The following EFCAB6 variants were observed in gnomAD, a reference collection of about 807,000 sequenced individuals.
EFCAB6 encodes EF-hand calcium binding domain 6.
In EFCAB6, 156 loss-of-function variants were observed where a neutral mutation model predicts 169.8. The ratio of observed to expected loss-of-function variants is 0.92; its 90% CI spans 0.81 to 1.05. The LOEUF (loss-of-function observed/expected upper bound fraction) is 1.05. EFCAB6 is among the 50% of genes least tolerant of loss of function. The pLI is 0.00. For missense variants in EFCAB6, 1,800 were observed against 1,829.1 expected, an observed-to-expected ratio of 0.98 and a Z score of 0.29; for synonymous variants, 698 against 676.4, an observed-to-expected ratio of 1.03 and a Z score of -0.50.
intron 20 of EFCAB6, among the ~76,000 whole-genome samples, chr22:43,620,285 G>A (rs1407307762): frequency 2.0e-5 from 3 of 151,942 alleles, no homozygotes; most frequent in African/African-American, 7.3e-5. Flanking sequence ...CTCCAGTCTG[G>A]GTGACAGAGT....
At chr22:43,691,800 A>C (rs1429559312) in intron 10 of EFCAB6, among the ~76,000 whole-genome samples, 1 of 152,200 alleles carries the variant, frequency 6.6e-6, no homozygotes, top group African/African-American at 2.4e-5. Flanking sequence ...CCTCCTCCAG[A>C]TAATCACGAT....
chr22:43,565,711 AC>A (rs1342835324), intron 26 of EFCAB6, among the ~76,000 whole-genome samples: 1 of 152,148 alleles, frequency 6.6e-6, no homozygotes, highest in Non-Finnish European at 1.5e-5. Context: ...TGTTCTGAAT[AC>A]TTACAGAGAC....
chr22:43,633,480 T>C (rs86605), intron 18 of EFCAB6, among the ~76,000 whole-genome samples: 70,888 of 152,062 alleles, frequency 0.47, 18,233 homozygotes, highest in African/African-American at 0.71. Flanking sequence ...CCCAGGAGGC[T>C]GAGGTTGCAG....
intron 30 of EFCAB6, among the ~76,000 whole-genome samples, chr22:43,532,363 G>A (rs150666005): frequency 2.7e-4 from 41 of 152,204 alleles, no homozygotes; most frequent in African/African-American, 9.7e-4. Flanking sequence ...GTGCTCTTCC[G>A]CAGAAGCCCG....
At chr22:43,589,263 A>G (rs2051290612) in intron 24 of EFCAB6, among the ~76,000 whole-genome samples, 1 of 112,670 alleles carries the variant, frequency 8.9e-6, no homozygotes, top group Admixed American at 1.1e-4. Context: ...TCTGGGTAAC[A>G]GAGGGAGACT....
intron 10 of EFCAB6, among the ~76,000 whole-genome samples, chr22:43,701,469 G>A (rs1231194553): frequency 6.6e-6 from 1 of 152,112 alleles, no homozygotes; most frequent in East Asian, 1.9e-4. Flanking sequence ...CAGTTGGTTG[G>A]ACCATTGTAG....
At chr22:43,627,473 G>A (rs2054608825) in intron 19 of EFCAB6, among the ~76,000 whole-genome samples, 1 of 152,210 alleles carries the variant, frequency 6.6e-6, no homozygotes, top group African/African-American at 2.4e-5. Context: ...GGTTGTTTGT[G>A]AGGAGTGAAT....
rs147088088 is a variant in EFCAB6, at chr22:43,647,986, G to T, written c.1984-12770C>A. On this transcript the variant is annotated intron_variant, in intron 17 of 31. Coordinates refer to ENST00000262726, the MANE Select transcript of EFCAB6 (RefSeq NM_022785.4). ...CATTTTTATTGTTTTAAGCTACCCAGGGTATGGTAATTTGTTATAACTGCC... is the reference window on the plus strand; with the variant it reads ...CATTTTTATTGTTTTAAGCTACCCATGGTATGGTAATTTGTTATAACTGCC... 7.6e-4 allele frequency among the ~76,000 whole-genome samples: 115 copies of T among 152,186 alleles called. 1 individual carries two copies. Among genetic ancestry groups the T allele is most frequent in the African/African-American group, 2.7e-3 (113 of 41,516 alleles).
chr22:43,690,683 C>T (rs181519072), intron 10 of EFCAB6, among the ~76,000 whole-genome samples: 28 of 152,006 alleles, frequency 1.8e-4, no homozygotes, highest in African/African-American at 6.3e-4. Flanking sequence ...GCATGCTCCC[C>T]GGGCTCTCTT....
intron 27 of EFCAB6, among the ~76,000 whole-genome samples, chr22:43,541,932 C>G (rs968618836): frequency 6.6e-6 from 1 of 152,256 alleles, no homozygotes; most frequent in Non-Finnish European, 1.5e-5. Context: ...GCTGAAGTTC[C>G]TAAGAGACTC....
At chr22:43,531,923 A>C (rs2047093190) in intron 30 of EFCAB6, 1 of 151,934 alleles carries the variant, frequency 6.6e-6, no homozygotes, top group South Asian at 2.1e-4. Context: ...TCTGCTGCCT[A>C]ATGGGGTGGA....
At chr22:43,650,544 G>C (rs774824031) in intron 17 of EFCAB6, among the ~76,000 whole-genome samples, 1 of 152,134 alleles carries the variant, frequency 6.6e-6, no homozygotes, top group African/African-American at 2.4e-5. Flanking sequence ...ATCTAATACA[G>C]TAAATTGGTA....
In EFCAB6 at chr22:43,741,697, G is replaced by T. The variant is rs764007048; in HGVS notation, c.508-5704C>A. 3.6e-4 allele frequency among the ~76,000 whole-genome samples: 55 copies of T among 152,174 alleles called. 1 individual carries two copies. The highest frequency in any genetic ancestry group is 6.8e-4 in the Non-Finnish European group (46 of 68,032). On this transcript the variant is annotated intron_variant, in intron 6 of 31. Coordinates refer to ENST00000262726, the MANE Select transcript of EFCAB6 (RefSeq NM_022785.4). The stretch of plus-strand genomic sequence containing the variant: ...TGCCCATAAGTATACATGCAGAGTG[G>T]ATTCGCAGCCGTGTCTGCGGCCCTT...
chr22:43,573,319 A>C (rs1007305602), intron 26 of EFCAB6, among the ~76,000 whole-genome samples: 1 of 152,190 alleles, frequency 6.6e-6, no homozygotes, highest in Non-Finnish European at 1.5e-5. Context: ...CATATGTTAC[A>C]CTTTGATACA....
chr22:43,671,496 C>T (rs1333359887), intron 15 of EFCAB6, among the ~76,000 whole-genome samples: 2 of 152,204 alleles, frequency 1.3e-5, no homozygotes, highest in African/African-American at 2.4e-5. Context: ...CAGAATGCAA[C>T]ATATTTAACT....
chr22:43,741,702 G>C (rs981869566), intron 6 of EFCAB6, among the ~76,000 whole-genome samples: 7 of 152,128 alleles, frequency 4.6e-5, no homozygotes, highest in African/African-American at 1.4e-4. Context: ...GAGTGGATTC[G>C]CAGCCGTGTC....
chr22:43,558,890 C>T (rs117407281), intron 26 of EFCAB6, among the ~76,000 whole-genome samples: 5,252 of 152,218 alleles, frequency 0.035, 144 homozygotes, highest in Admixed American at 0.082. Context: ...TGCTTTGCTA[C>T]GGTCTGGAAC....
chr22:43,747,381 G>A (rs2060602344), intron 6 of EFCAB6, among the ~76,000 whole-genome samples: 2 of 152,162 alleles, frequency 1.3e-5, no homozygotes, highest in African/African-American at 4.8e-5. Flanking sequence ...AGGACTAGGG[G>A]AACAGCACTG....
rs572484650 is a variant in EFCAB6, at chr22:43,615,580, G to A, written c.2562+246C>T. ...TAAATTTTTAATTCATATCCAGCCTGAAGTAATGCCAGGAATTTTGGTCCA... is the reference window on the plus strand; with the variant it reads ...TAAATTTTTAATTCATATCCAGCCTAAAGTAATGCCAGGAATTTTGGTCCA... On this transcript the variant is annotated intron_variant, in intron 21 of 31. Transcript: ENST00000262726. Among the ~76,000 whole-genome samples, 7 of 152,328 alleles carry A rather than the reference G, an allele frequency of 4.6e-5. No individual in the cohort carries two copies. The East Asian group carries it at 1.3e-3, about 29-fold the overall frequency.
Sources: gnomAD v4.1 joint callset for allele counts (sites outside exome capture counted in the v4.1 genomes callset) on GRCh38, gnomAD v4.1.1 for gene constraint, MANE v1.5 for transcripts, NCBI Gene and HGNC (gene_info 2026-07-23, HGNC 2026-07-21) for gene names.